Variants in NTNG1 observed in about 807,000 individuals in gnomAD.
NTNG1 encodes netrin G1, also known as netrin-G1.
A neutral mutation model predicts 54.0 loss-of-function variants in NTNG1; 16 were observed. That is an observed-to-expected ratio of 0.30 (90% CI 0.20 to 0.45). NTNG1 has a LOEUF of 0.45. NTNG1 is among the 20% of genes least tolerant of loss of function. The pLI, the probability that NTNG1 is intolerant of heterozygous loss-of-function variation, is 1.00. For missense variants in NTNG1, 530 were observed against 678.7 expected (o/e 0.78, Z 2.43); for synonymous variants, 255 against 263.1 (o/e 0.97, Z 0.30).
At chr1:107,283,457 C>G (rs1437761230) in intron 2 of NTNG1, among the ~76,000 whole-genome samples, 1 of 152,186 alleles carries the variant, frequency 6.6e-6, no homozygotes, top group Non-Finnish European at 1.5e-5. Context: ...ACCAAACCCA[C>G]ATGGGTTATG....
chr1:107,238,478 C>T (rs967345541), intron 2 of NTNG1, among the ~76,000 whole-genome samples: 3 of 152,074 alleles, frequency 2.0e-5, no homozygotes, highest in Non-Finnish European at 2.9e-5. Flanking sequence ...AATGTGAGGA[C>T]ATAAGAATTG....
intron 1 of NTNG1, among the ~76,000 whole-genome samples, chr1:107,144,213 G>A (rs1467953542): frequency 6.6e-6 from 1 of 151,912 alleles, no homozygotes; most frequent in Non-Finnish European, 1.5e-5. Context: ...ATTTTGATAG[G>A]TTATAATTTT....
chr1:107,300,103 C>T (rs1035229808), intron 2 of NTNG1, among the ~76,000 whole-genome samples: 6 of 152,120 alleles, frequency 3.9e-5, no homozygotes, highest in African/African-American at 1.4e-4. Context: ...AACAAGAATG[C>T]GGACCGAGGC....
intron 7 of NTNG1, among the ~76,000 whole-genome samples, chr1:107,437,908 TAG>T (rs1320530057): frequency 6.6e-6 from 1 of 152,176 alleles, no homozygotes; most frequent in African/African-American, 2.4e-5. Context: ...AGCACAGCCC[TAG>T]AGTTATTTTT....
chr1:107,222,893 T>C (rs761650606), intron 2 of NTNG1, among the ~76,000 whole-genome samples: 1 of 151,632 alleles, frequency 6.6e-6, no homozygotes. Context: ...AGTTATATGT[T>C]TAGTAGCAAG....
chr1:107,335,288 A>G (rs1668515139), intron 3 of NTNG1, among the ~76,000 whole-genome samples: 1 of 152,004 alleles, frequency 6.6e-6, no homozygotes, highest in Non-Finnish European at 1.5e-5. Context: ...TCTTCAAATG[A>G]TGTTTGCTTC....
chr1:107,193,571 G>T lies in NTNG1; in HGVS notation c.246+44732G>T, dbSNP rs151198693. On this transcript the variant is annotated intron_variant, in intron 2 of 7. Coordinates refer to ENST00000370068, the MANE Select transcript of NTNG1 (RefSeq NM_001113226.3). Reference sequence around the variant, plus strand: ...GCCACTTTCATACGCAGCAGCCCTTGCAAGTGTACTTAATTATGTCCTCAG... The same window carrying T: ...GCCACTTTCATACGCAGCAGCCCTTTCAAGTGTACTTAATTATGTCCTCAG... Among the ~76,000 whole-genome samples, 5 of 152,082 alleles carry T rather than the reference G, an allele frequency of 3.3e-5. No individual in the cohort carries two copies. In the East Asian group the frequency reaches 9.7e-4, roughly 30 times the overall value.
At chr1:107,247,384 TTAGA>T (rs1265293582) in intron 2 of NTNG1, among the ~76,000 whole-genome samples, 2 of 152,162 alleles carry the variant, frequency 1.3e-5, no homozygotes, top group Admixed American at 6.5e-5. Context: ...GAGCTTGGAG[TTAGA>T]TAGGCCAAGT....
chr1:107,235,829 T>G (rs1244280431), intron 2 of NTNG1, among the ~76,000 whole-genome samples: 1 of 152,110 alleles, frequency 6.6e-6, no homozygotes, highest in Non-Finnish European at 1.5e-5. Context: ...GGAGGGAGAT[T>G]AGCTATGCCC....
intron 7 of NTNG1, among the ~76,000 whole-genome samples, chr1:107,451,463 C>T (rs1363911205): frequency 6.6e-6 from 1 of 152,074 alleles, no homozygotes; most frequent in Non-Finnish European, 1.5e-5. Context: ...AACATAACCT[C>T]CACAGAGTAA....
At chr1:107,211,481 C>T (rs1430782923) in intron 2 of NTNG1, among the ~76,000 whole-genome samples, 1 of 152,092 alleles carries the variant, frequency 6.6e-6, no homozygotes, top group Non-Finnish European at 1.5e-5. Flanking sequence ...AGCCACCACA[C>T]CTAGTACAAT....
chr1:107,413,956 T>G (rs1674020300), intron 5 of NTNG1, among the ~76,000 whole-genome samples: 1 of 152,174 alleles, frequency 6.6e-6, no homozygotes, highest in African/African-American at 2.4e-5. Context: ...TTTTCCTTGA[T>G]GGGAAAGTTA....
chr1:107,295,733 T>C (rs964885030), intron 2 of NTNG1, among the ~76,000 whole-genome samples: 8 of 152,012 alleles, frequency 5.3e-5, no homozygotes, highest in Non-Finnish European at 8.8e-5. Flanking sequence ...TATATATATA[T>C]ACACATACAT....
chr1:107,189,554 T>G (rs1442371134), intron 2 of NTNG1, among the ~76,000 whole-genome samples: 1 of 151,928 alleles, frequency 6.6e-6, no homozygotes, highest in East Asian at 1.9e-4. Flanking sequence ...GCCAATATCA[T>G]TGACTCAATT....
chr1:107,298,830 T>C (rs1004156326), intron 2 of NTNG1, among the ~76,000 whole-genome samples: 2 of 152,130 alleles, frequency 1.3e-5, no homozygotes, highest in African/African-American at 4.8e-5. Context: ...GAAAGGAATA[T>C]GAATTGTGAT....
intron 3 of NTNG1, among the ~76,000 whole-genome samples, chr1:107,353,280 C>G (rs1269790247): frequency 1.3e-5 from 2 of 152,158 alleles, no homozygotes; most frequent in African/African-American, 4.8e-5. Context: ...TCAGCCAAAA[C>G]TGTTAGAAAC....
At chr1:107,373,560 G>C (rs866037730) in intron 3 of NTNG1, among the ~76,000 whole-genome samples, 5 of 143,846 alleles carry the variant, frequency 3.5e-5, no homozygotes, top group African/African-American at 1.3e-4. Flanking sequence ...GCAGAATTCC[G>C]TATGTTATCC....
At chr1:107,343,917 A>T (rs1055081644) in intron 3 of NTNG1, among the ~76,000 whole-genome samples, 1 of 152,092 alleles carries the variant, frequency 6.6e-6, no homozygotes, top group Admixed American at 6.6e-5. Flanking sequence ...ATGGAGAGAG[A>T]CTGGCACAAT....
chr1:107,300,567 A>G (rs1384030867), intron 2 of NTNG1, among the ~76,000 whole-genome samples: 1 of 152,162 alleles, frequency 6.6e-6, no homozygotes, highest in African/African-American at 2.4e-5. Context: ...TCAAAACAAT[A>G]CGCTTTGACA....
Sources: gnomAD v4.1 joint callset for allele counts (sites outside exome capture counted in the v4.1 genomes callset) on GRCh38, gnomAD v4.1.1 for gene constraint, MANE v1.5 for transcripts, NCBI Gene and HGNC (gene_info 2026-07-23, HGNC 2026-07-21) for gene names.